Variants in TANC1 observed in about 807,000 individuals in gnomAD.
The protein encoded by TANC1 is tetratricopeptide repeat, ankyrin repeat and coiled-coil containing 1.
In TANC1, 77 loss-of-function variants were observed where a neutral mutation model predicts 149.7. The observed-to-expected ratio is 0.51, with a 90% CI of 0.43 to 0.62. TANC1 has a LOEUF of 0.62. Among genes scored for constraint, TANC1 ranks in the 20% least tolerant of loss-of-function variants. TANC1 has a pLI of 0.00. For synonymous variants in TANC1, 854 were observed against 925.0 expected (o/e 0.92, Z 1.39); for missense variants, 1,985 against 2,321.8 (o/e 0.85, Z 2.98).
intron 2 of TANC1, among the ~76,000 whole-genome samples, chr2:159,005,471 G>C (rs990330551): frequency 6.6e-6 from 1 of 152,128 alleles, no homozygotes; most frequent in Non-Finnish European, 1.5e-5. Flanking sequence ...TGCGCCTATA[G>C]TGCAAGCTAC....
At chr2:159,170,171 C>A (rs1021690375) in intron 9 of TANC1, among the ~76,000 whole-genome samples, 1 of 152,278 alleles carries the variant, frequency 6.6e-6, no homozygotes, top group East Asian at 1.9e-4. Flanking sequence ...GGAAGAAGCA[C>A]GTCTTAAATG....
intron 19 of TANC1, among the ~76,000 whole-genome samples, chr2:159,203,720 C>T (rs1156757425): frequency 6.6e-6 from 1 of 150,642 alleles, no homozygotes; most frequent in Non-Finnish European, 1.5e-5. Flanking sequence ...GCATGAGCCA[C>T]CACACCTGGC....
chr2:159,079,091 T>A (rs1443565497), intron 3 of TANC1, among the ~76,000 whole-genome samples: 1 of 152,038 alleles, frequency 6.6e-6, no homozygotes, highest in African/African-American at 2.4e-5. Context: ...ACTTAAATGT[T>A]TGGGGGAGGG....
chr2:159,117,308 C>A (rs1281482012), intron 4 of TANC1, among the ~76,000 whole-genome samples: 1 of 152,182 alleles, frequency 6.6e-6, no homozygotes, highest in African/African-American at 2.4e-5. Context: ...GCACTCCATA[C>A]CAAGTCTCCT....
chr2:159,008,741 G>A lies in TANC1; in HGVS notation c.-16+7552G>A, dbSNP rs541361829. 8.0e-4 allele frequency among the ~76,000 whole-genome samples: 122 copies of A among 152,144 alleles called. 1 individual carries two copies. Among genetic ancestry groups the A allele is most frequent in the Admixed American group, 2.3e-3 (35 of 15,288 alleles). On this transcript the variant is annotated intron_variant, in intron 2 of 26. Coordinates refer to ENST00000263635, the MANE Select transcript of TANC1 (RefSeq NM_033394.3). ...TGTTTAATATGATGTTCTGGCTTTTGGTTTTAGTATGTCTTAGTACAAAAT... is the reference window on the plus strand; with the variant it reads ...TGTTTAATATGATGTTCTGGCTTTTAGTTTTAGTATGTCTTAGTACAAAAT...
chr2:159,015,327 G>A (rs968519109), intron 2 of TANC1, among the ~76,000 whole-genome samples: 2 of 152,188 alleles, frequency 1.3e-5, no homozygotes, highest in Non-Finnish European at 2.9e-5. Flanking sequence ...CATGGCTGGA[G>A]TGGCTTGGAC....
At chr2:159,221,686 A>G (rs573000460) in intron 22 of TANC1, among the ~76,000 whole-genome samples, 7 of 152,236 alleles carry the variant, frequency 4.6e-5, no homozygotes, top group African/African-American at 1.2e-4. Context: ...TAAAGCCTGC[A>G]TAGTATTTCA....
intron 5 of TANC1, 33 bp downstream of exon 5, chr2:159,136,331 C>T (rs1008514633): frequency 8.1e-7 from 1 of 1,233,806 alleles, no homozygotes; most frequent in Non-Finnish European, 1.2e-6. Flanking sequence ...TCCCCCTCTA[C>T]CAAAGATTTT....
intron 4 of TANC1, among the ~76,000 whole-genome samples, chr2:159,122,157 G>C (rs2048912706): frequency 1.3e-5 from 2 of 152,170 alleles, no homozygotes; most frequent in Admixed American, 6.5e-5. Context: ...AGGCTGGTCT[G>C]GAACTCCTGG....
Position 159,097,821 on chromosome 2 carries a change from C to CA in TANC1, c.252dup (p.Ser85IlefsTer35). ...CTCACTTGGTGCAATCAAGAGTGAA[C>CA]AAAAAATCCCCAGGTAAACAGGCAA... On this transcript the variant is annotated frameshift_variant, in exon 4 of 27. Transcript: ENST00000263635. LOFTEE classifies it high-confidence loss of function. 4.3e-6 allele frequency: 7 copies of CA among 1,611,668 alleles called. No homozygotes were observed. The highest frequency in any genetic ancestry group is 5.9e-6 in the Non-Finnish European group (7 of 1,178,432).
intron 2 of TANC1, among the ~76,000 whole-genome samples, chr2:159,023,172 T>C (rs971282120): frequency 7.2e-5 from 11 of 152,078 alleles, no homozygotes; most frequent in African/African-American, 2.7e-4. Flanking sequence ...TACATTGCTT[T>C]TTTTGTGTGT....
chr2:159,183,978 C>G (rs1369868179), intron 14 of TANC1, among the ~76,000 whole-genome samples: 2 of 152,144 alleles, frequency 1.3e-5, no homozygotes, highest in Non-Finnish European at 2.9e-5. Context: ...AGACGTGGTG[C>G]CAGTGATAAG....
intron 3 of TANC1, among the ~76,000 whole-genome samples, chr2:159,092,446 A>G (rs778573037): frequency 6.6e-6 from 1 of 152,168 alleles, no homozygotes; most frequent in African/African-American, 2.4e-5. Context: ...TCCATTATGA[A>G]TTGAAATCCC....
intron 2 of TANC1, among the ~76,000 whole-genome samples, chr2:159,027,718 C>A (rs999312709): frequency 1.2e-4 from 19 of 152,180 alleles, no homozygotes; most frequent in Admixed American, 8.5e-4. Flanking sequence ...AGCAATGACC[C>A]CATTCTTGGT....
At chr2:159,163,588 C>A in intron 8 of TANC1, 42 bp downstream of exon 8, 2 of 1,586,310 alleles carry the variant, frequency 1.3e-6, no homozygotes, top group South Asian at 2.3e-5. Flanking sequence ...CTCAGGGATA[C>A]CAAGGTGCCC....
At position 159,185,949 on chromosome 2, in the gene TANC1, G is replaced by A. The variant is rs368708526; in HGVS notation, c.2619+50G>A. 163 of 1,439,934 alleles carry A rather than the reference G, an allele frequency of 1.1e-4. No homozygotes were observed. The Middle Eastern group carries it at 1.4e-3, about 12-fold the overall frequency. The allele number at this position is 1,439,934 out of a possible 1,614,324, so 89.2% of individuals were successfully genotyped here. A position where few individuals can be genotyped will look rare whatever the true frequency, so the allele number is the denominator to read the frequency against. On this transcript the variant is annotated intron_variant, in intron 15 of 26. Coordinates refer to ENST00000263635, the MANE Select transcript of TANC1 (RefSeq NM_033394.3). Reference sequence around the variant, plus strand: ...AGGGTTTCTTTGTTGTCATTTTGAGGTTTTGCTTTGGAGATTTTAGACAGC... The same window carrying A: ...AGGGTTTCTTTGTTGTCATTTTGAGATTTTGCTTTGGAGATTTTAGACAGC...
At chr2:159,034,004 A>T (rs1033196537) in intron 2 of TANC1, among the ~76,000 whole-genome samples, 10 of 152,276 alleles carry the variant, frequency 6.6e-5, no homozygotes, top group African/African-American at 2.4e-4. Context: ...AGGTGAAATC[A>T]TAGTGGCAAA....
chr2:159,048,010 C>T (rs1327154429), intron 2 of TANC1, among the ~76,000 whole-genome samples: 1 of 151,858 alleles, frequency 6.6e-6, no homozygotes, highest in Non-Finnish European at 1.5e-5. Flanking sequence ...GATTTTTTTT[C>T]ACAGCTATTC....
chr2:159,019,674 T>G (rs920667780), intron 2 of TANC1, among the ~76,000 whole-genome samples: 5 of 98,210 alleles, frequency 5.1e-5, no homozygotes, highest in East Asian at 4.0e-4. Context: ...TTTTTTTTTT[T>G]TTTTTTTTTT....
Sources: allele counts gnomAD v4.1 joint callset (sites outside exome capture counted in the v4.1 genomes callset), GRCh38; gene constraint gnomAD v4.1.1; transcripts MANE v1.5; gene names NCBI Gene and HGNC (gene_info 2026-07-23, HGNC 2026-07-21).